TMTC2: variants seen among roughly 807,000 people sequenced by gnomAD.
TMTC2 encodes transmembrane O-mannosyltransferase targeting cadherins 2.
Under a neutral mutation model 82.4 loss-of-function variants are expected in TMTC2, and 43 were observed. The observed-to-expected ratio is 0.52, with a 90% CI of 0.41 to 0.67. The LOEUF (loss-of-function observed/expected upper bound fraction) is 0.67. Ranked by LOEUF, TMTC2 falls within the 30% of genes least tolerant of loss-of-function variation. The probability of loss-of-function intolerance (pLI) is 0.00; values close to 1 mark genes in which losing one functional copy is unlikely to be tolerated. For synonymous variants in TMTC2, 408 were observed against 381.9 expected (o/e 1.07, Z -0.80); for missense variants, 919 against 1,012.4 (o/e 0.91, Z 1.25).
At chr12:82,957,265 C>CAACT (rs1877665153) in intron 4 of TMTC2, among the ~76,000 whole-genome samples, 2 of 152,100 alleles carry the variant, frequency 1.3e-5, no homozygotes, top group South Asian at 4.2e-4. Context: ...GGAAATTGAG[C>CAACT]AACTTGCTCC....
chr12:82,925,408 G>A (rs1875642954), intron 3 of TMTC2, among the ~76,000 whole-genome samples: 1 of 152,216 alleles, frequency 6.6e-6, no homozygotes, highest in African/African-American at 2.4e-5. Flanking sequence ...ATTAATAGAT[G>A]GATAAATGAA....
intron 10 of TMTC2, among the ~76,000 whole-genome samples, chr12:83,059,152 A>G (rs1027934997): frequency 2.0e-5 from 3 of 151,822 alleles, no homozygotes; most frequent in Admixed American, 6.6e-5. Flanking sequence ...TAACAACGTT[A>G]TGGTTGAAGT....
chr12:82,747,066 A>G (rs2136960726), intron 1 of TMTC2, among the ~76,000 whole-genome samples: 1 of 152,264 alleles, frequency 6.6e-6, no homozygotes, highest in Admixed American at 6.5e-5. Flanking sequence ...AACCCACCTG[A>G]GTTATTGCTG....
At chr12:83,019,774 G>A (rs6539699) in intron 8 of TMTC2, among the ~76,000 whole-genome samples, 129,268 of 151,820 alleles carry the variant, frequency 0.85, 55,306 homozygotes, top group South Asian at 0.96. Context: ...TCTTCCTTTC[G>A]TTGCCACTTC....
intron 11 of TMTC2, among the ~76,000 whole-genome samples, chr12:83,107,856 G>A (rs1380782091): frequency 6.6e-6 from 1 of 152,112 alleles, no homozygotes. Flanking sequence ...TTGGATTGGT[G>A]TCCCTGCCCA....
At chr12:82,906,334 T>C (rs1214090550) in intron 3 of TMTC2, among the ~76,000 whole-genome samples, 1 of 152,112 alleles carries the variant, frequency 6.6e-6, no homozygotes, top group Non-Finnish European at 1.5e-5. Context: ...AGATAAAAAT[T>C]TTTCAACAGA....
rs373449059 is a variant in TMTC2 at position 82,722,911 on chromosome 12, TC to T, written c.83+35244del. On this transcript the variant is annotated intron_variant, in intron 1 of 11. Transcript: ENST00000321196. ...TTGATTTTACTCAGTGTCAGTAAAATCCATCTTAAGAAACAAAGTGGATTTC... is the reference window on the plus strand; with the variant it reads ...TTGATTTTACTCAGTGTCAGTAAAATCATCTTAAGAAACAAAGTGGATTTC... 1.0e-3 allele frequency among the ~76,000 whole-genome samples: 154 copies of T among 152,318 alleles called. 1 individual carries two copies. The highest frequency in any genetic ancestry group is 3.5e-3 in the African/African-American group (146 of 41,586).
At chr12:82,793,660 C>T (rs1010138341) in intron 1 of TMTC2, among the ~76,000 whole-genome samples, 1 of 152,082 alleles carries the variant, frequency 6.6e-6, no homozygotes, top group Non-Finnish European at 1.5e-5. Flanking sequence ...AAAACGCCTT[C>T]TTCCCGTGCT....
At chr12:83,014,997 C>G (rs1264426182) in intron 8 of TMTC2, among the ~76,000 whole-genome samples, 1 of 152,136 alleles carries the variant, frequency 6.6e-6, no homozygotes, top group East Asian at 1.9e-4. Context: ...CCCAAGTAGT[C>G]CCGCTTTTCT....
At chr12:82,907,404 A>G (rs1245016151) in intron 3 of TMTC2, among the ~76,000 whole-genome samples, 3 of 151,882 alleles carry the variant, frequency 2.0e-5, no homozygotes, top group Non-Finnish European at 4.4e-5. Context: ...TGGAGGTTGC[A>G]GTTAGTTGAG....
intron 8 of TMTC2, among the ~76,000 whole-genome samples, chr12:83,002,495 G>C (rs1043220211): frequency 6.6e-6 from 1 of 152,070 alleles, no homozygotes; most frequent in African/African-American, 2.4e-5. Context: ...CTGTAGGTGC[G>C]ATGTTAGATT....
At chr12:82,886,712 C>G (rs1398426395) in intron 2 of TMTC2, among the ~76,000 whole-genome samples, 1 of 152,128 alleles carries the variant, frequency 6.6e-6, no homozygotes, top group Non-Finnish European at 1.5e-5. Flanking sequence ...TGTTTCTAAT[C>G]TTACAGACAG....
At chr12:83,027,591 T>C (rs1288680163) in intron 8 of TMTC2, among the ~76,000 whole-genome samples, 2 of 152,204 alleles carry the variant, frequency 1.3e-5, no homozygotes, top group Non-Finnish European at 2.9e-5. Flanking sequence ...CCACATTAAG[T>C]GACGGCTTAC....
intron 1 of TMTC2, among the ~76,000 whole-genome samples, chr12:82,855,420 G>C (rs750517943): frequency 1.3e-4 from 20 of 152,192 alleles, no homozygotes; most frequent in Non-Finnish European, 2.4e-4. Flanking sequence ...AGAGAAGGCA[G>C]AACTGGTGGA....
intron 1 of TMTC2, among the ~76,000 whole-genome samples, chr12:82,784,113 C>A (rs1878049222): frequency 6.6e-6 from 1 of 151,858 alleles, no homozygotes; most frequent in Admixed American, 6.6e-5. Flanking sequence ...TTCCAAAACA[C>A]ATGTATACTA....
intron 4 of TMTC2, among the ~76,000 whole-genome samples, chr12:82,946,745 C>CTTTT (rs68095076): frequency 2.2e-5 from 3 of 136,990 alleles, no homozygotes; most frequent in Non-Finnish European, 3.1e-5. Flanking sequence ...CTTTTCTTTT[C>CTTTT]TTTTTTTTTT....
intron 1 of TMTC2, among the ~76,000 whole-genome samples, chr12:82,853,502 C>T (rs1316558267): frequency 1.3e-5 from 2 of 152,114 alleles, no homozygotes; most frequent in Admixed American, 6.6e-5. Flanking sequence ...TAGTATATCT[C>T]GTGGCTGCTG....
chr12:83,069,703 G>T (rs903244338), intron 11 of TMTC2, among the ~76,000 whole-genome samples: 39 of 151,948 alleles, frequency 2.6e-4, no homozygotes, highest in Admixed American at 7.9e-4. Flanking sequence ...AGTTTAATTA[G>T]GTCCCAGCTA....
At chr12:83,072,109 T>G (rs1322717241) in intron 11 of TMTC2, among the ~76,000 whole-genome samples, 1 of 152,154 alleles carries the variant, frequency 6.6e-6, no homozygotes, top group Non-Finnish European at 1.5e-5. Context: ...GATTGTCAAT[T>G]TGTGCTCTTT....
Sources: allele counts gnomAD v4.1 joint callset (sites outside exome capture counted in the v4.1 genomes callset), GRCh38; gene constraint gnomAD v4.1.1; transcripts MANE v1.5; gene names NCBI Gene and HGNC (gene_info 2026-07-23, HGNC 2026-07-21).